CTNNA3: variants seen among roughly 807,000 people sequenced by gnomAD.
The protein encoded by CTNNA3 is catenin alpha 3, also known as catenin alpha-3.
Under a neutral mutation model 95.7 loss-of-function variants are expected in CTNNA3, and 76 were observed. That is an observed-to-expected ratio of 0.79 (90% confidence interval 0.66 to 0.96). CTNNA3 has a LOEUF of 0.96. CTNNA3 is among the 40% of genes least tolerant of loss of function. The pLI, the probability that CTNNA3 is intolerant of heterozygous loss-of-function variation, is 0.00. For missense variants in CTNNA3, 1,191 were observed against 1,089.8 expected, an observed-to-expected ratio of 1.09 and a Z score of -1.31; for synonymous variants, 431 against 374.4, an observed-to-expected ratio of 1.15 and a Z score of -1.74.
At chr10:66,795,118 C>T (rs371782749) in intron 7 of CTNNA3, among the ~76,000 whole-genome samples, 24 of 152,120 alleles carry the variant, frequency 1.6e-4, no homozygotes, top group East Asian at 1.2e-3. Flanking sequence ...TTTTGACCTC[C>T]TCTCATGAAT....
At chr10:67,431,309 C>T (rs1270771228) in intron 5 of CTNNA3, among the ~76,000 whole-genome samples, 1 of 151,994 alleles carries the variant, frequency 6.6e-6, no homozygotes, top group Non-Finnish European at 1.5e-5. Context: ...TTGCAGTTTT[C>T]AGGGTCTTTG....
chr10:67,043,155 GT>G (rs1854513618), intron 7 of CTNNA3, among the ~76,000 whole-genome samples: 1 of 121,766 alleles, frequency 8.2e-6, no homozygotes, highest in Non-Finnish European at 1.7e-5. Context: ...TTTTTTTTCT[GT>G]GCAATAAGAT....
intron 7 of CTNNA3, among the ~76,000 whole-genome samples, chr10:67,142,636 T>C (rs1231426294): frequency 6.6e-6 from 1 of 152,202 alleles, no homozygotes; most frequent in Non-Finnish European, 1.5e-5. Context: ...TACCTTATTT[T>C]AAAAATATTG....
In CTNNA3 at chr10:67,331,368, C is replaced by A. The variant is rs372756443; in HGVS notation, c.580-111498G>T. 2.6e-5 allele frequency among the ~76,000 whole-genome samples: 4 copies of A among 152,290 alleles called. No homozygotes were observed. In the East Asian group the frequency reaches 7.7e-4, roughly 29 times the overall value. ...ATTTTCCAACATCACTTGCAGGCAG[C>A]AGGAAGTCACAAGCATAAAGTCACA... On this transcript the variant is annotated intron_variant, in intron 5 of 17. Coordinates refer to ENST00000433211, the MANE Select transcript of CTNNA3 (RefSeq NM_013266.4).
intron 15 of CTNNA3, among the ~76,000 whole-genome samples, chr10:66,067,721 G>T (rs1045347622): frequency 1.1e-4 from 17 of 152,020 alleles, no homozygotes; most frequent in African/African-American, 3.1e-4. Flanking sequence ...TTTGAGACCA[G>T]CCACACCAAT....
At chr10:65,935,684 G>A (rs1025408192) in intron 17 of CTNNA3, among the ~76,000 whole-genome samples, 39 of 152,014 alleles carry the variant, frequency 2.6e-4, no homozygotes, top group African/African-American at 7.7e-4. Context: ...TTAGGGTCAC[G>A]GAGAACATTC....
chr10:66,477,927 AG>A (rs1839384756), intron 11 of CTNNA3, among the ~76,000 whole-genome samples: 1 of 152,096 alleles, frequency 6.6e-6, no homozygotes, highest in Non-Finnish European at 1.5e-5. Context: ...TCGAAACAAA[AG>A]GTAGTTAATT....
At chr10:65,991,417 T>C (rs2078543366) in intron 15 of CTNNA3, among the ~76,000 whole-genome samples, 1 of 152,168 alleles carries the variant, frequency 6.6e-6, no homozygotes, top group Non-Finnish European at 1.5e-5. Context: ...TTTTTATTTT[T>C]TGTGTCTTGT....
At chr10:66,392,288 G>A (rs1351127877) in intron 11 of CTNNA3, among the ~76,000 whole-genome samples, 1 of 151,920 alleles carries the variant, frequency 6.6e-6, no homozygotes, top group Non-Finnish European at 1.5e-5. Context: ...AAATTAGCCA[G>A]GAGTGGTGGT....
intron 5 of CTNNA3, among the ~76,000 whole-genome samples, chr10:67,365,536 AC>A (rs1344588996): frequency 2.0e-4 from 31 of 152,216 alleles, no homozygotes; most frequent in Non-Finnish European, 3.2e-4. Context: ...CAAGAAAAAA[AC>A]AAACAACCCC....
rs561258903 is a variant in CTNNA3 at position 67,215,767 on chromosome 10, A to G, written c.843+3840T>C. Reference sequence around the variant, plus strand: ...TGGTCAAATTTTAAAGATTCCCAGTAACATGCAAATGTATCTTACGGGACT... The same window carrying G: ...TGGTCAAATTTTAAAGATTCCCAGTGACATGCAAATGTATCTTACGGGACT... On this transcript the variant is annotated intron_variant, in intron 6 of 17. Transcript: ENST00000433211. Among the ~76,000 whole-genome samples the G allele has an allele frequency of 7.9e-5, 12 of 152,296 alleles. No homozygotes were observed. In the South Asian group the frequency reaches 2.5e-3, roughly 32 times the overall value.
intron 9 of CTNNA3, among the ~76,000 whole-genome samples, chr10:66,728,731 G>A (rs1453567572): frequency 1.3e-5 from 2 of 152,106 alleles, no homozygotes; most frequent in African/African-American, 2.4e-5. Flanking sequence ...GGAATTATAG[G>A]TGTGTGCAAC....
chr10:67,319,764 C>T (rs529912416), intron 5 of CTNNA3, among the ~76,000 whole-genome samples: 11 of 151,752 alleles, frequency 7.2e-5, no homozygotes, highest in East Asian at 1.9e-4. Context: ...GGCATGGTGG[C>T]GGGTGCCTGT....
chr10:66,529,768 G>T (rs1371051528), intron 10 of CTNNA3, among the ~76,000 whole-genome samples: 1 of 152,084 alleles, frequency 6.6e-6, no homozygotes, highest in Admixed American at 6.6e-5. Flanking sequence ...ACAAGACAAT[G>T]GAGGCACAAA....
At chr10:67,455,593 G>A (rs1303416248) in intron 5 of CTNNA3, among the ~76,000 whole-genome samples, 2 of 152,122 alleles carry the variant, frequency 1.3e-5, no homozygotes, top group Admixed American at 6.6e-5. Context: ...CATGTCAATA[G>A]AATGTCCCCT....
intron 7 of CTNNA3, among the ~76,000 whole-genome samples, chr10:66,860,505 A>G (rs893213904): frequency 1.3e-5 from 2 of 152,156 alleles, no homozygotes; most frequent in African/African-American, 4.8e-5. Context: ...AGTCGGCAGA[A>G]GTAATGGGGG....
At chr10:66,352,927 C>T (rs971069551) in intron 12 of CTNNA3, among the ~76,000 whole-genome samples, 4 of 151,832 alleles carry the variant, frequency 2.6e-5, no homozygotes, top group Admixed American at 2.6e-4. Flanking sequence ...AGGTCATCAA[C>T]GAGGGGCACT....
At chr10:67,446,902 G>A (rs917137347) in intron 5 of CTNNA3, among the ~76,000 whole-genome samples, 3 of 152,096 alleles carry the variant, frequency 2.0e-5, no homozygotes, top group East Asian at 1.9e-4. Context: ...TCAGGAGATC[G>A]AGACCATCCT....
chr10:67,379,164 T>C (rs573972733), intron 5 of CTNNA3, among the ~76,000 whole-genome samples: 17 of 152,318 alleles, frequency 1.1e-4, no homozygotes, highest in African/African-American at 3.8e-4. Flanking sequence ...TATTACATTA[T>C]TATAAAGTTG....
Sources: allele counts gnomAD v4.1 joint callset (sites outside exome capture counted in the v4.1 genomes callset), GRCh38; gene constraint gnomAD v4.1.1; transcripts MANE v1.5; gene names NCBI Gene and HGNC (gene_info 2026-07-23, HGNC 2026-07-21).